Variants in PCDH7 observed in about 807,000 individuals in gnomAD.
PCDH7 encodes the protein protocadherin 7, also known as protocadherin-7.
A neutral mutation model predicts 58.9 loss-of-function variants in PCDH7; 17 were observed. The ratio of observed to expected loss-of-function variants is 0.29; its 90% confidence interval spans 0.20 to 0.43. PCDH7 has a LOEUF of 0.43. Ranked by LOEUF, PCDH7 falls within the 20% of genes least tolerant of loss-of-function variation. The pLI, the probability that PCDH7 is intolerant of heterozygous loss-of-function variation, is 1.00. For missense variants in PCDH7, 1,274 were observed against 1,441.0 expected (o/e 0.88, Z 1.88); for synonymous variants, 664 against 616.4 (o/e 1.08, Z -1.14).
intron 3 of PCDH7, among the ~76,000 whole-genome samples, chr4:31,106,816 C>G (rs1040782822): frequency 6.6e-6 from 1 of 152,164 alleles, no homozygotes; most frequent in African/African-American, 2.4e-5. Context: ...TATTCTATTT[C>G]TGGAAGTAGC....
At chr4:31,041,102 C>T (rs1047024495) in intron 3 of PCDH7, among the ~76,000 whole-genome samples, 5 of 152,174 alleles carry the variant, frequency 3.3e-5, no homozygotes, top group Non-Finnish European at 7.3e-5. Flanking sequence ...AAATTTGGAA[C>T]ATCAACTCTA....
chr4:30,902,741 AC>A (rs1049008611), intron 1 of PCDH7, among the ~76,000 whole-genome samples: 5 of 152,170 alleles, frequency 3.3e-5, no homozygotes, highest in African/African-American at 9.6e-5. Flanking sequence ...AAGGAATAAA[AC>A]CCTTTTATTT....
chr4:30,826,467 A>C (rs188348675), intron 1 of PCDH7, among the ~76,000 whole-genome samples: 1 of 152,146 alleles, frequency 6.6e-6, no homozygotes, highest in Non-Finnish European at 1.5e-5. Context: ...CAGCATATCT[A>C]GTATATTAGA....
At chr4:31,029,111 C>T (rs890213369) in intron 3 of PCDH7, among the ~76,000 whole-genome samples, 2 of 152,308 alleles carry the variant, frequency 1.3e-5, no homozygotes, top group South Asian at 2.1e-4. Context: ...CCTTGTTAAT[C>T]ATTTCTTTGA....
At chr4:30,863,376 T>C (rs762907018) in intron 1 of PCDH7, among the ~76,000 whole-genome samples, 1 of 152,086 alleles carries the variant, frequency 6.6e-6, no homozygotes, top group Non-Finnish European at 1.5e-5. Flanking sequence ...TTTTTGGTTG[T>C]CACATGGAGG....
intron 1 of PCDH7, among the ~76,000 whole-genome samples, chr4:30,771,723 T>A (rs1400669642): frequency 1.3e-5 from 2 of 152,208 alleles, no homozygotes; most frequent in Non-Finnish European, 2.9e-5. Flanking sequence ...CCGGGAATCA[T>A]AAATAAATAG....
intron 1 of PCDH7, among the ~76,000 whole-genome samples, chr4:30,767,588 A>AT (rs1720917750): frequency 6.6e-6 from 1 of 152,194 alleles, no homozygotes; most frequent in Non-Finnish European, 1.5e-5. Flanking sequence ...CGGTTTGTTC[A>AT]TAAAAACCTG....
intron 3 of PCDH7, among the ~76,000 whole-genome samples, chr4:31,042,875 C>T (rs1246397125): frequency 1.3e-5 from 2 of 151,964 alleles, no homozygotes; most frequent in Non-Finnish European, 1.5e-5. Flanking sequence ...TATTTATTAT[C>T]GTTCTAGGGG....
chr4:31,113,708 T>C (rs1716619428), intron 3 of PCDH7, among the ~76,000 whole-genome samples: 1 of 152,144 alleles, frequency 6.6e-6, no homozygotes, highest in African/African-American at 2.4e-5. Flanking sequence ...CTATTGAGTT[T>C]TGAGCAGATA....
At chr4:30,995,409 G>A (rs1413826665) in intron 3 of PCDH7, among the ~76,000 whole-genome samples, 1 of 152,080 alleles carries the variant, frequency 6.6e-6, no homozygotes, top group African/African-American at 2.4e-5. Context: ...CTACTCGGGA[G>A]GCTCACGCAG....
intron 3 of PCDH7, among the ~76,000 whole-genome samples, chr4:31,035,324 G>C (rs1322768776): frequency 7.0e-6 from 1 of 143,438 alleles, no homozygotes; most frequent in African/African-American, 2.7e-5. Flanking sequence ...CACAACCTCG[G>C]CTCACTGCAA....
At chr4:30,774,638 C>T (rs1273269056) in intron 1 of PCDH7, among the ~76,000 whole-genome samples, 2 of 152,156 alleles carry the variant, frequency 1.3e-5, no homozygotes, top group Non-Finnish European at 2.9e-5. Context: ...GTATGCAATA[C>T]TTTTCATAGA....
chr4:30,773,118 G>T (rs1185942769), intron 1 of PCDH7, among the ~76,000 whole-genome samples: 1 of 152,152 alleles, frequency 6.6e-6, no homozygotes, highest in Non-Finnish European at 1.5e-5. Flanking sequence ...GGCCAGCCTG[G>T]TCTCAACCTC....
At chr4:30,770,960 A>C (rs1721323769) in intron 1 of PCDH7, among the ~76,000 whole-genome samples, 1 of 152,226 alleles carries the variant, frequency 6.6e-6, no homozygotes, top group Admixed American at 6.5e-5. Context: ...ACCACGAGTA[A>C]GCAGGCAGTT....
chr4:30,912,189 A>G lies in PCDH7; in HGVS notation c.71-7964A>G, dbSNP rs191801932. 2.0e-5 allele frequency among the ~76,000 whole-genome samples: 3 copies of G among 152,306 alleles called. No homozygotes were observed. The East Asian group carries it at 5.8e-4, about 29-fold the overall frequency. On this transcript the variant is annotated intron_variant, in intron 1 of 3. Transcript: ENST00000509759. The stretch of plus-strand genomic sequence containing the variant: ...TATGGAGGCATCTTGAAATGTTAGC[A>G]AAAGAAAACACCCCTAAAAAGTTTA...
At chr4:30,983,409 A>T (rs372362813) in intron 3 of PCDH7, among the ~76,000 whole-genome samples, 3 of 152,254 alleles carry the variant, frequency 2.0e-5, no homozygotes, top group East Asian at 3.8e-4. Flanking sequence ...GTGGAGGACT[A>T]GTTTGTTTTA....
chr4:31,029,613 G>C (rs1754731025), intron 3 of PCDH7, among the ~76,000 whole-genome samples: 1 of 152,192 alleles, frequency 6.6e-6, no homozygotes, highest in South Asian at 2.1e-4. Context: ...AGAGGACTTT[G>C]AAGTCAGACA....
chr4:31,065,047 GC>G (rs1757971851), intron 3 of PCDH7, among the ~76,000 whole-genome samples: 1 of 151,824 alleles, frequency 6.6e-6, no homozygotes, highest in South Asian at 2.1e-4. Flanking sequence ...TTAGAATTTT[GC>G]TTTTCAAAAA....
At chr4:30,869,438 C>T (rs904144359) in intron 1 of PCDH7, among the ~76,000 whole-genome samples, 1 of 151,970 alleles carries the variant, frequency 6.6e-6, no homozygotes, top group African/African-American at 2.4e-5. Context: ...TTCCCTAAAC[C>T]CCACCCACTG....
Sources: allele counts gnomAD v4.1 joint callset (sites outside exome capture counted in the v4.1 genomes callset), GRCh38; gene constraint gnomAD v4.1.1; transcripts MANE v1.5; gene names NCBI Gene and HGNC (gene_info 2026-07-23, HGNC 2026-07-21).